The following UBE2D3 variants were observed in gnomAD, a reference collection of about 807,000 sequenced individuals.
UBE2D3 encodes the protein ubiquitin-conjugating enzyme E2 D3.
In UBE2D3, 2 loss-of-function variants were observed where a neutral mutation model predicts 22.8. The ratio of observed to expected loss-of-function variants is 0.09; its 90% CI spans 0.04 to 0.28. The LOEUF is 0.28. Among genes scored for constraint, UBE2D3 ranks in the 10% least tolerant of loss-of-function variants. UBE2D3 has a pLI of 1.00. For missense variants in UBE2D3, 27 were observed against 182.5 expected (o/e 0.15, Z 4.91); for synonymous variants, 56 against 60.4 (o/e 0.93, Z 0.34).
intron 1 of UBE2D3, chr4:102,827,018 C>T: frequency 1.0e-6 from 1 of 993,168 alleles, no homozygotes. Flanking sequence ...TCCGGACGGA[C>T]GCCGGGCTGC....
chr4:102,859,136 A>C (rs964035714), intron 1 of UBE2D3, among the ~76,000 whole-genome samples: 5 of 151,940 alleles, frequency 3.3e-5, no homozygotes, highest in African/African-American at 1.2e-4. Flanking sequence ...TTTTTGTGGA[A>C]AAGTCTTCAT....
chr4:102,852,877 G>A (rs899557360), intron 1 of UBE2D3, among the ~76,000 whole-genome samples: 4 of 151,968 alleles, frequency 2.6e-5, no homozygotes, highest in African/African-American at 9.7e-5. Context: ...CCTTTTACTT[G>A]GACCCCTCAC....
upstream of UBE2D3, among the ~76,000 whole-genome samples, chr4:102,831,582 C>A (rs1376362132): frequency 6.6e-6 from 1 of 152,034 alleles, no homozygotes; most frequent in Non-Finnish European, 1.5e-5. Context: ...TTATAAGGAA[C>A]AAAGTACTAA....
At chr4:102,825,683 C>A in intron 2 of UBE2D3, 1 of 825,230 alleles carries the variant, frequency 1.2e-6, no homozygotes, top group Middle Eastern at 2.6e-4. Flanking sequence ...AGTAACGAAA[C>A]AAGGGTGTTA....
At chr4:102,864,274 G>A (rs1216192400) in intron 1 of UBE2D3, among the ~76,000 whole-genome samples, 1 of 86,320 alleles carries the variant, frequency 1.2e-5, no homozygotes, top group Non-Finnish European at 2.3e-5. Flanking sequence ...ATTCCTTGCA[G>A]TAAGTAGACA....
At chr4:102,855,299 G>T (rs1732568424) in intron 1 of UBE2D3, among the ~76,000 whole-genome samples, 1 of 152,142 alleles carries the variant, frequency 6.6e-6, no homozygotes, top group African/African-American at 2.4e-5. Flanking sequence ...GGAGAACATG[G>T]CTTGTGAACC....
Position 102,797,386 on chromosome 4 carries a change from A to C in UBE2D3, c.*29T>G. 6.3e-7 allele frequency: 1 copy of C among 1,575,224 alleles called. No homozygotes were observed. Among genetic ancestry groups the C allele is most frequent in the Non-Finnish European group, 8.7e-7 (1 of 1,155,044 alleles). On this transcript the variant is annotated 3_prime_UTR_variant, in exon 8 of 8. Coordinates refer to ENST00000453744, the MANE Select transcript of UBE2D3 (RefSeq NM_181891.3). ...TAATTTAAAGTTTATTCCAGCTATA[A>C]TGCAGGTTATTCTGACTTTAAGGTA...
chr4:102,843,011 G>T (rs1057155501), intron 1 of UBE2D3, among the ~76,000 whole-genome samples: 1 of 152,182 alleles, frequency 6.6e-6, no homozygotes, highest in African/African-American at 2.4e-5. Flanking sequence ...TCAGGAGGCT[G>T]AGGCAGGAGA....
At chr4:102,828,134 C>T (rs1254323035), upstream of UBE2D3, 4 of 985,334 alleles carry the variant, frequency 4.1e-6, no homozygotes, top group East Asian at 3.4e-4. Flanking sequence ...AAAGCAACGC[C>T]CCTGAATGCT....
In UBE2D3 at chr4:102,809,958, C is replaced by A; in HGVS notation, c.25-103G>T. On this transcript the variant is annotated intron_variant, in intron 2 of 7. Coordinates refer to ENST00000453744, the MANE Select transcript of UBE2D3 (RefSeq NM_181891.3). ...TACTTTCACCCTATTTTTAAAGGCA[C>A]ACTCCATCACAATTCACATAAATAA... 13 of 1,079,156 alleles carry A rather than the reference C, an allele frequency of 1.2e-5. No homozygotes were observed. The South Asian group carries it at 1.6e-4, about 13-fold the overall frequency. The allele number at this position is 1,079,156 out of a possible 1,614,324, so 66.8% of individuals were successfully genotyped here.
upstream of UBE2D3, among the ~76,000 whole-genome samples, chr4:102,831,209 G>A (rs1395034904): frequency 6.6e-6 from 1 of 152,064 alleles, no homozygotes; most frequent in African/African-American, 2.4e-5. Context: ...TATTCTGCCT[G>A]GACCAAGTAA....
At chr4:102,801,919 T>C in intron 5 of UBE2D3, 1 of 169,824 alleles carries the variant, frequency 5.9e-6, no homozygotes, top group East Asian at 1.7e-4. Context: ...AAAGTTTCAT[T>C]AAGTTACACA....
upstream of UBE2D3, chr4:102,827,864 C>T: frequency 1.0e-6 from 1 of 985,736 alleles, no homozygotes; most frequent in Non-Finnish European, 1.2e-6. Flanking sequence ...GGAAGGAGAC[C>T]ATGGGAGGAA....
chr4:102,861,212 G>A (rs1560895611), intron 1 of UBE2D3, among the ~76,000 whole-genome samples: 1 of 151,842 alleles, frequency 6.6e-6, no homozygotes, highest in Non-Finnish European at 1.5e-5. Context: ...GAAGGATGTA[G>A]GTAAAGTGAA....
intron 2 of UBE2D3, among the ~76,000 whole-genome samples, chr4:102,813,177 T>C: frequency 6.6e-6 from 1 of 152,306 alleles, no homozygotes; most frequent in South Asian, 2.1e-4. Context: ...TCCTCTCCCC[T>C]TTTAAAAAAG....
At chr4:102,844,265 A>G (rs1731922367) in intron 1 of UBE2D3, among the ~76,000 whole-genome samples, 1 of 152,260 alleles carries the variant, frequency 6.6e-6, no homozygotes, top group East Asian at 1.9e-4. Context: ...TTTTGTAGAA[A>G]TGCAGTCTTG....
At chr4:102,819,173 T>C (rs1432781106) in intron 2 of UBE2D3, among the ~76,000 whole-genome samples, 1 of 151,700 alleles carries the variant, frequency 6.6e-6, no homozygotes, top group South Asian at 2.1e-4. Flanking sequence ...TCTACTAAAA[T>C]ATAAAAATTA....
chr4:102,827,993 A>C, upstream of UBE2D3: 1 of 985,452 alleles, frequency 1.0e-6, no homozygotes, highest in Non-Finnish European at 1.2e-6. Flanking sequence ...TGGCTAACCG[A>C]AGCGGTAGCT....
intron 2 of UBE2D3, among the ~76,000 whole-genome samples, chr4:102,815,657 T>C (rs1728686302): frequency 6.6e-6 from 1 of 152,200 alleles, no homozygotes; most frequent in Admixed American, 6.5e-5. Flanking sequence ...TAGTTAACAC[T>C]GGGTTTCAGC....
Sources: allele counts gnomAD v4.1 joint callset (sites outside exome capture counted in the v4.1 genomes callset), GRCh38; gene constraint gnomAD v4.1.1; transcripts MANE v1.5; gene names NCBI Gene and HGNC (gene_info 2026-07-23, HGNC 2026-07-21).